Variants in AGBL1 observed in about 807,000 individuals in gnomAD.
The protein encoded by AGBL1 is AGBL carboxypeptidase 1.
In AGBL1, 130 loss-of-function variants were observed where a neutral mutation model predicts 118.9. The observed-to-expected ratio is 1.09, with a 90% CI of 0.95 to 1.26. The LOEUF is 1.26. Among genes scored for constraint, AGBL1 ranks in the 50% most tolerant of loss-of-function variants. The pLI, the probability that AGBL1 is intolerant of heterozygous loss-of-function variation, is 0.00. For synonymous variants in AGBL1, 555 were observed against 478.9 expected, an observed-to-expected ratio of 1.16 and a Z score of -2.08; for missense variants, 1,584 against 1,298.1, an observed-to-expected ratio of 1.22 and a Z score of -3.38.
At chr15:86,421,018 C>G (rs1294959559) in intron 18 of AGBL1, among the ~76,000 whole-genome samples, 1 of 152,134 alleles carries the variant, frequency 6.6e-6, no homozygotes, top group African/African-American at 2.4e-5. Context: ...AGAATGGAAC[C>G]AAGTTGGAAA....
chr15:86,079,679 G>A, upstream of AGBL1: 1 of 282,640 alleles, frequency 3.5e-6, no homozygotes. Context: ...TCCTGCATGG[G>A]CCTGGAGGTG....
intron 22 of AGBL1, among the ~76,000 whole-genome samples, chr15:86,752,233 G>C (rs1020319822): frequency 4.6e-5 from 7 of 152,044 alleles, no homozygotes; most frequent in African/African-American, 1.7e-4. Flanking sequence ...TACTCCATCA[G>C]CTCACAGCTC....
intron 5 of AGBL1, among the ~76,000 whole-genome samples, chr15:86,199,146 T>C (rs1029916004): frequency 2.0e-5 from 3 of 152,222 alleles, no homozygotes; most frequent in Admixed American, 6.5e-5. Flanking sequence ...CTTACTGTTA[T>C]ACAAGTTGTG....
intron 18 of AGBL1, among the ~76,000 whole-genome samples, chr15:86,409,672 T>C (rs564101228): frequency 5.5e-4 from 84 of 152,324 alleles, no homozygotes; most frequent in African/African-American, 1.9e-3. Flanking sequence ...CAACTGTGCC[T>C]GTAGTTGATG....
chr15:87,007,691 G>T (rs2081518951), intron 24 of AGBL1, among the ~76,000 whole-genome samples: 1 of 152,166 alleles, frequency 6.6e-6, no homozygotes, highest in African/African-American at 2.4e-5. Flanking sequence ...ATGTTTGCTG[G>T]TGGAAGAATC....
At chr15:86,139,982 C>G (rs1380902781) in intron 1 of AGBL1, 1 of 160,664 alleles carries the variant, frequency 6.2e-6, no homozygotes, top group African/African-American at 2.4e-5. Context: ...ATCTCCTCCA[C>G]CTTCATGATC....
chr15:86,474,148 G>A (rs1470854281), intron 18 of AGBL1, among the ~76,000 whole-genome samples: 1 of 152,192 alleles, frequency 6.6e-6, no homozygotes, highest in Non-Finnish European at 1.5e-5. Flanking sequence ...CCCAGTGTGA[G>A]TGACGCAGAA....
chr15:86,818,664 A>T (rs980922171), intron 22 of AGBL1, among the ~76,000 whole-genome samples: 30 of 152,180 alleles, frequency 2.0e-4, no homozygotes, highest in African/African-American at 7.2e-4. Context: ...GAAGGTGTGA[A>T]TGACCAAAGT....
chr15:86,252,969 C>T (rs957365275), intron 7 of AGBL1, among the ~76,000 whole-genome samples: 8 of 152,200 alleles, frequency 5.3e-5, no homozygotes, highest in South Asian at 2.1e-4. Context: ...AGGCAGGAGT[C>T]GAAGAGCTGC....
intron 3 of AGBL1, among the ~76,000 whole-genome samples, chr15:86,152,242 G>C (rs1193340548): frequency 1.3e-5 from 2 of 152,160 alleles, no homozygotes; most frequent in Non-Finnish European, 2.9e-5. Flanking sequence ...TAAAGCTGGA[G>C]ACATCATGCT....
At chr15:86,519,137 C>A (rs1310871256) in intron 18 of AGBL1, among the ~76,000 whole-genome samples, 1 of 152,104 alleles carries the variant, frequency 6.6e-6, no homozygotes, top group Non-Finnish European at 1.5e-5. Context: ...ACCTTCCCCA[C>A]ACCCACCTCC....
chr15:86,942,563 T>C (rs1449383428), intron 23 of AGBL1, among the ~76,000 whole-genome samples: 4 of 152,180 alleles, frequency 2.6e-5, no homozygotes, highest in Admixed American at 2.0e-4. Context: ...GAGACATAGA[T>C]TTTAGAGCCA....
rs570179666 is a variant in AGBL1, at chr15:86,557,253, G to A, written c.2994+2716G>A. 4.6e-5 allele frequency among the ~76,000 whole-genome samples: 7 copies of A among 152,284 alleles called. No homozygotes were observed. The East Asian group carries it at 1.4e-3, about 29-fold the overall frequency. On this transcript the variant is annotated intron_variant, in intron 21 of 22. Transcript: ENST00000614907. ...GAGGAAAAAGCCAAAATGAAATGAT[G>A]CATCCTTTGGGGGCTCATTTTTTTA...
chr15:86,224,738 C>T (rs930496962), intron 5 of AGBL1, among the ~76,000 whole-genome samples, 176 bp from the exon 6 acceptor site: 6 of 152,126 alleles, frequency 3.9e-5, no homozygotes, highest in African/African-American at 9.7e-5. Flanking sequence ...CTTCGCTCAG[C>T]GTTATTTCTG....
chr15:86,722,796 C>G (rs1378515437), intron 22 of AGBL1, among the ~76,000 whole-genome samples: 1 of 151,824 alleles, frequency 6.6e-6, no homozygotes, highest in Non-Finnish European at 1.5e-5. Flanking sequence ...ACAATGAACT[C>G]AAACAAATTT....
At chr15:86,895,493 T>C (rs2080112790) in intron 22 of AGBL1, among the ~76,000 whole-genome samples, 1 of 151,926 alleles carries the variant, frequency 6.6e-6, no homozygotes, top group South Asian at 2.1e-4. Flanking sequence ...TTTTTAGCAG[T>C]GGTTTCTCCA....
At chr15:86,305,015 T>C (rs1441849600) in intron 17 of AGBL1, 1 of 152,170 alleles carries the variant, frequency 6.6e-6, no homozygotes, top group Non-Finnish European at 1.5e-5. Flanking sequence ...TCAGATGCCT[T>C]TCTCTTTCAG....
intron 5 of AGBL1, among the ~76,000 whole-genome samples, chr15:86,192,074 G>A (rs2141831005): frequency 6.6e-6 from 1 of 151,624 alleles, no homozygotes; most frequent in South Asian, 2.1e-4. Flanking sequence ...ACTCTGTCCT[G>A]GGTGGCAGAT....
At chr15:86,466,294 A>C (rs2082405595) in intron 18 of AGBL1, among the ~76,000 whole-genome samples, 1 of 151,990 alleles carries the variant, frequency 6.6e-6, no homozygotes, top group African/African-American at 2.4e-5. Context: ...GTCTATTGAT[A>C]CTTGCATATG....
Sources: allele counts gnomAD v4.1 joint callset (sites outside exome capture counted in the v4.1 genomes callset), GRCh38; gene constraint gnomAD v4.1.1; transcripts MANE v1.5; gene names NCBI Gene and HGNC (gene_info 2026-07-23, HGNC 2026-07-21).